CUX2: variants seen among roughly 807,000 people sequenced by gnomAD.
CUX2 encodes the protein homeobox protein cut-like 2.
In CUX2, 40 loss-of-function variants were observed where a neutral mutation model predicts 144.8. The observed-to-expected ratio is 0.28, with a 90% CI of 0.21 to 0.36. CUX2 has a LOEUF of 0.36. CUX2 is among the 10% of genes least tolerant of loss of function. The pLI is 1.00. For missense variants in CUX2, 1,615 were observed against 1,994.0 expected, an observed-to-expected ratio of 0.81 and a Z score of 3.62; for synonymous variants, 827 against 875.6, an observed-to-expected ratio of 0.94 and a Z score of 0.98.
In CUX2 at chr12:111,059,251, C is replaced by T. The variant is rs77456978; in HGVS notation, c.63+25011C>T. On this transcript the variant is annotated intron_variant, in intron 1 of 21. Transcript: ENST00000261726. The surrounding 1 kb of genome is among the most constrained non-coding windows in gnomAD (Gnocchi z 5.3). ...GGGGGCCCCTCTTTGCAGGGCTTCT[C>T]GGGGAGGTGGGAGGGGAGGAGGGCT... Among the ~76,000 whole-genome samples the T allele has an allele frequency of 0.013, 1,939 of 152,256 alleles. 42 individuals are homozygous for T. Among genetic ancestry groups the T allele is most frequent in the African/African-American group, 0.044 (1,812 of 41,546 alleles).
intron 1 of CUX2, among the ~76,000 whole-genome samples, chr12:111,087,799 GACTATATCCTAGGGAACTGAAA>G (rs1872326258): frequency 6.6e-6 from 1 of 152,088 alleles, no homozygotes; most frequent in Non-Finnish European, 1.5e-5. Flanking sequence ...AAAAATGAAG[GACTATATCCTAGGGAACTGAAA>G]ACTGAAGTTT....
chr12:111,268,565 G>A (rs1884495546), intron 4 of CUX2, among the ~76,000 whole-genome samples: 1 of 152,244 alleles, frequency 6.6e-6, no homozygotes, highest in Non-Finnish European at 1.5e-5. Context: ...TGATGAGAGT[G>A]GAAGGAATGG....
At chr12:111,168,742 T>C (rs1878317531) in intron 1 of CUX2, among the ~76,000 whole-genome samples, 1 of 152,170 alleles carries the variant, frequency 6.6e-6, no homozygotes, top group African/African-American at 2.4e-5. Flanking sequence ...CTGCATTGTA[T>C]TAGGGAAAAC....
chr12:111,040,310 T>C, intron 1 of CUX2, among the ~76,000 whole-genome samples: 1 of 151,348 alleles, frequency 6.6e-6, no homozygotes, highest in East Asian at 1.9e-4. Flanking sequence ...GAAAAAAATA[T>C]ACTCCTATCA....
rs1007128816 is a variant in CUX2, at chr12:111,295,483, C to T, written c.637+74C>T. 1.1e-5 allele frequency: 14 copies of T among 1,325,244 alleles called. No individual in the cohort carries two copies. The Admixed American group carries it at 1.4e-4, about 13-fold the overall frequency. 82.1% of individuals were successfully genotyped at this position (1,325,244 alleles called of 1,614,324 possible). ...TAATGCTGTCAACGAGGGGTCACGG[C>T]TTGGGGTCTGCCACATCCAGGTGTT... On this transcript the variant is annotated intron_variant, in intron 7 of 21. Transcript: ENST00000261726. This position sits in a 1 kb window ranked among gnomAD's most constrained non-coding sequence, Gnocchi z 5.0.
intron 3 of CUX2, among the ~76,000 whole-genome samples, chr12:111,244,403 C>G (rs1257394326): frequency 6.6e-6 from 1 of 152,236 alleles, no homozygotes; most frequent in Non-Finnish European, 1.5e-5. Context: ...CCCAGCTGTG[C>G]TTTCTCCAGC....
intron 1 of CUX2, among the ~76,000 whole-genome samples, chr12:111,106,861 A>C (rs1313045064): frequency 6.6e-6 from 1 of 152,212 alleles, no homozygotes; most frequent in Non-Finnish European, 1.5e-5. Flanking sequence ...CGGGAGAGGA[A>C]AGAAGGACAG....
chr12:111,238,405 C>T (rs1882865734), intron 3 of CUX2, among the ~76,000 whole-genome samples: 1 of 152,172 alleles, frequency 6.6e-6, no homozygotes, highest in South Asian at 2.1e-4. Context: ...TTTCTATGTT[C>T]CAGACAACAC....
intron 1 of CUX2, among the ~76,000 whole-genome samples, chr12:111,140,652 C>T (rs1013204776): frequency 2.6e-5 from 4 of 152,208 alleles, no homozygotes; most frequent in East Asian, 1.9e-4. Flanking sequence ...GGCAGGCTGC[C>T]GTGGTCCGAA....
At chr12:111,209,072 A>G (rs1881067392) in intron 1 of CUX2, among the ~76,000 whole-genome samples, 1 of 152,178 alleles carries the variant, frequency 6.6e-6, no homozygotes, top group Non-Finnish European at 1.5e-5. Context: ...GGGTACTGAC[A>G]AGGAGAGAGT....
At chr12:111,075,153 C>T (rs1401109297) in intron 1 of CUX2, among the ~76,000 whole-genome samples, 1 of 151,666 alleles carries the variant, frequency 6.6e-6, no homozygotes, top group African/African-American at 2.4e-5. Flanking sequence ...CTCCCTGGCT[C>T]TGGAGGGCAG....
At chr12:111,142,542 A>AG (rs1390067643) in intron 1 of CUX2, among the ~76,000 whole-genome samples, 1 of 152,002 alleles carries the variant, frequency 6.6e-6, no homozygotes, top group South Asian at 2.1e-4. Flanking sequence ...AAAAAAAAAA[A>AG]AAAAACAGAA....
rs757600625 is a variant in CUX2, at chr12:111,334,661, G to A, written c.3147G>A (p.Thr1049=). The change falls in exon 19 of 22, where the codon ACG becomes ACA. Residue 1049 remains threonine, a synonymous_variant. Transcript: ENST00000261726. ...TGGCCATGTCCCCCGAGCTGGACAC[G>A]TACTCCATCACCAAGAGGGTGAAGG... ...EIVAMSPELD[T]YSITKRVKEV... 8.1e-6 allele frequency: 13 copies of A among 1,613,654 alleles called. No homozygotes were observed. Among genetic ancestry groups the A allele is most frequent in the Admixed American group, 5.0e-5 (3 of 59,978 alleles).
intron 19 of CUX2, 53 bp downstream of exon 19, chr12:111,334,763 A>T: frequency 6.5e-7 from 1 of 1,532,212 alleles, no homozygotes; most frequent in Admixed American, 2.0e-5. Context: ...GTTGGCTCCT[A>T]CTTGCCTTGA....
At chr12:111,343,625 C>G (rs897743996) in intron 21 of CUX2, among the ~76,000 whole-genome samples, 1 of 152,144 alleles carries the variant, frequency 6.6e-6, no homozygotes, top group African/African-American at 2.4e-5. Flanking sequence ...GAGTCCATAC[C>G]CTCTCTCAGT....
rs1218558604 is a variant in CUX2 at position 111,349,201 on chromosome 12, CA to C, written c.*877del. On this transcript the variant is annotated 3_prime_UTR_variant, in exon 22 of 22. Coordinates refer to ENST00000261726, the MANE Select transcript of CUX2 (RefSeq NM_015267.4). The stretch of plus-strand genomic sequence containing the variant: ...TCCATCTATAGGCAAGAAGTGTTTC[CA>C]GATCCTTTGGAAAGGTGGGCATGGG... 6.6e-6 allele frequency: 1 copy of C among 152,206 alleles called. No individual in the cohort carries two copies. The highest frequency in any genetic ancestry group is 1.5e-5 in the Non-Finnish European group (1 of 68,082). 9.4% of individuals were successfully genotyped at this position (152,206 alleles called of 1,614,324 possible). A position where few individuals can be genotyped will look rare whatever the true frequency, so the allele number is the denominator to read the frequency against.
chr12:111,126,063 A>C (rs1340057769), intron 1 of CUX2, among the ~76,000 whole-genome samples: 5 of 150,040 alleles, frequency 3.3e-5, no homozygotes, highest in African/African-American at 5.0e-5. Context: ...CGGATTTATT[A>C]TAAGGAATTG....
At chr12:111,044,316 T>C (rs1287677535) in intron 1 of CUX2, among the ~76,000 whole-genome samples, 1 of 152,094 alleles carries the variant, frequency 6.6e-6, no homozygotes, top group Non-Finnish European at 1.5e-5. Flanking sequence ...ACTGTCTCTT[T>C]CCTGGTTGCC....
chr12:111,348,504 G>T lies in CUX2; in HGVS notation c.*179G>T. On this transcript the variant is annotated 3_prime_UTR_variant, in exon 22 of 22. Transcript: ENST00000261726. ...TTCTATGAAGCTGTGTGAGCAGGTGGGTCAAATGCCATTGCCTCCACTTTT... is the reference window on the plus strand; with the variant it reads ...TTCTATGAAGCTGTGTGAGCAGGTGTGTCAAATGCCATTGCCTCCACTTTT... The T allele has an allele frequency of 1.5e-6, 1 of 652,316 alleles. No homozygotes were observed. The highest frequency in any genetic ancestry group is 2.6e-6 in the Non-Finnish European group (1 of 391,462). 40.4% of individuals were successfully genotyped at this position (652,316 alleles called of 1,614,324 possible).
Sources: allele counts gnomAD v4.1 joint callset (sites outside exome capture counted in the v4.1 genomes callset), GRCh38; gene constraint gnomAD v4.1.1; non-coding constraint Gnocchi (gnomAD v3.1); transcripts MANE v1.5; gene names NCBI Gene and HGNC (gene_info 2026-07-23, HGNC 2026-07-21).